Variants in MYT1L observed in about 807,000 individuals in gnomAD.
MYT1L encodes myelin transcription factor 1 like, also known as myelin transcription factor 1-like protein.
Under a neutral mutation model 126.7 loss-of-function variants are expected in MYT1L, and 12 were observed. The ratio of observed to expected loss-of-function variants is 0.09; its 90% CI spans 0.06 to 0.15. The LOEUF is 0.15. MYT1L is among the 10% of genes least tolerant of loss of function. The pLI is 1.00. For missense variants in MYT1L, 979 were observed against 1,585.2 expected (o/e 0.62, Z 6.49); for synonymous variants, 541 against 604.2 (o/e 0.90, Z 1.53).
At chr2:2,275,693 C>T (rs904284071) in intron 2 of MYT1L, among the ~76,000 whole-genome samples, 2 of 152,270 alleles carry the variant, frequency 1.3e-5, no homozygotes, top group South Asian at 4.1e-4. Context: ...TCAATATGTA[C>T]CGTGAAAACT....
At chr2:2,212,870 C>A (rs767062619) in intron 2 of MYT1L, among the ~76,000 whole-genome samples, 1 of 152,146 alleles carries the variant, frequency 6.6e-6, no homozygotes, top group Non-Finnish European at 1.5e-5. Context: ...GACACAGCAA[C>A]GGAGTGCCCT....
intron 4 of MYT1L, among the ~76,000 whole-genome samples, chr2:2,039,561 G>C (rs1332346405): frequency 6.6e-6 from 1 of 152,184 alleles, no homozygotes; most frequent in Non-Finnish European, 1.5e-5. Context: ...AAGGTGAAAA[G>C]GTGTGAATTG....
chr2:2,204,264 A>G (rs1166077035), intron 2 of MYT1L, among the ~76,000 whole-genome samples: 1 of 152,162 alleles, frequency 6.6e-6, no homozygotes, highest in Admixed American at 6.5e-5. Context: ...GACAAATGGG[A>G]TCTAATTAAA....
In MYT1L at chr2:2,177,208, T is replaced by A. The variant is rs376465940; in HGVS notation, c.-420-4220A>T. On this transcript the variant is annotated intron_variant, in intron 2 of 24. Coordinates refer to ENST00000647738, the MANE Select transcript of MYT1L (RefSeq NM_001303052.2). ...GAATTTGGCAGTGTGAATGAAAATT[T>A]TCAATGTGCATATGCTAGCCTGACA... 4.3e-4 allele frequency among the ~76,000 whole-genome samples: 65 copies of A among 152,336 alleles called. 1 individual carries two copies. The highest frequency in any genetic ancestry group is 1.6e-3 in the African/African-American group (65 of 41,592).
chr2:2,252,762 C>T (rs986722857), intron 2 of MYT1L, among the ~76,000 whole-genome samples: 2 of 152,102 alleles, frequency 1.3e-5, no homozygotes, highest in African/African-American at 2.4e-5. Flanking sequence ...CCTCACCTCC[C>T]CCACGAAAAG....
chr2:2,180,780 C>A (rs2091370571), intron 2 of MYT1L, among the ~76,000 whole-genome samples: 2 of 143,378 alleles, frequency 1.4e-5, no homozygotes, highest in Non-Finnish European at 3.0e-5. Context: ...GTATTTGTAC[C>A]TGTGTGTGCC....
chr2:1,836,481 C>T (rs66868130), intron 21 of MYT1L, among the ~76,000 whole-genome samples: 2 of 150,506 alleles, frequency 1.3e-5, no homozygotes, highest in Non-Finnish European at 3.0e-5. Context: ...ATTCGACCAG[C>T]CTGCACCCCA....
At chr2:2,087,904 C>A (rs1355527847) in intron 3 of MYT1L, among the ~76,000 whole-genome samples, 1 of 152,256 alleles carries the variant, frequency 6.6e-6, no homozygotes, top group Non-Finnish European at 1.5e-5. Flanking sequence ...CACACGTGGT[C>A]TACTGGGGCT....
chr2:2,236,577 C>G (rs865783829), intron 2 of MYT1L, among the ~76,000 whole-genome samples: 1 of 144,922 alleles, frequency 6.9e-6, no homozygotes, highest in Middle Eastern at 3.5e-3. Flanking sequence ...TATGTCACAA[C>G]CCAGCCCAGC....
chr2:2,060,625 T>G (rs1461620459), intron 3 of MYT1L, among the ~76,000 whole-genome samples: 2 of 151,788 alleles, frequency 1.3e-5, no homozygotes, highest in Non-Finnish European at 2.9e-5. Flanking sequence ...TTTATTCACT[T>G]TTTCTCTCCT....
intron 3 of MYT1L, among the ~76,000 whole-genome samples, chr2:2,086,884 C>T (rs147779070): frequency 2.6e-5 from 4 of 152,302 alleles, no homozygotes; most frequent in East Asian, 1.9e-4. Context: ...CTCACAGCTC[C>T]GGGGATGCCT....
rs1357465325 is a variant in MYT1L at position 2,027,775 on chromosome 2, T to TGATCAAGG, written c.-158+26202_-158+26203insCCTTGATC. Among the ~76,000 whole-genome samples, 72 of 151,342 alleles carry TGATCAAGG rather than the reference T, an allele frequency of 4.8e-4. 1 individual carries two copies. The highest frequency in any genetic ancestry group is 1.9e-4 in the Non-Finnish European group (13 of 67,984). ...GTGACATCTCTGAGTCTTACCTGCC[T>TGATCAAGG]GAGTGATCAAGGGAGGAAGGTCAGA... On this transcript the variant is annotated intron_variant, in intron 4 of 24. Transcript: ENST00000647738.
rs143335425 is a variant in MYT1L at position 1,954,333 on chromosome 2, C to T, written c.153-10999G>A. On this transcript the variant is annotated intron_variant, in intron 8 of 24. Coordinates refer to ENST00000647738, the MANE Select transcript of MYT1L (RefSeq NM_001303052.2). ...CCAGCCATGGCCACTGCCCATTTGA[C>T]GCCCCAGCCACAGTCACGTAGAATA... Among the ~76,000 whole-genome samples the T allele has an allele frequency of 3.9e-3, 596 of 152,264 alleles. 2 individuals are homozygous for T. The highest frequency in any genetic ancestry group is 0.014 in the African/African-American group (572 of 41,568).
chr2:2,139,118 C>A (rs532707898), intron 3 of MYT1L, among the ~76,000 whole-genome samples: 1 of 151,812 alleles, frequency 6.6e-6, no homozygotes, highest in African/African-American at 2.4e-5. Context: ...TACCAAGAGG[C>A]GTGAATCTAA....
chr2:1,831,161 A>C (rs182967207), intron 21 of MYT1L, among the ~76,000 whole-genome samples: 14 of 144,464 alleles, frequency 9.7e-5, no homozygotes, highest in Admixed American at 8.8e-4. Flanking sequence ...AATGACTCCC[A>C]TGAAGTCCTT....
chr2:1,949,491 CCA>C (rs1158398202), intron 8 of MYT1L, among the ~76,000 whole-genome samples: 1 of 152,152 alleles, frequency 6.6e-6, no homozygotes, highest in Non-Finnish European at 1.5e-5. Flanking sequence ...TCAACAACTT[CCA>C]GTTTTTTGCA....
At chr2:1,903,666 C>A (rs2050636810) in intron 13 of MYT1L, among the ~76,000 whole-genome samples, 1 of 152,070 alleles carries the variant, frequency 6.6e-6, no homozygotes, top group South Asian at 2.1e-4. Context: ...CCGAATTATA[C>A]ACAAAGATGT....
intron 11 of MYT1L, among the ~76,000 whole-genome samples, chr2:1,916,366 C>A (rs1002254734): frequency 2.0e-5 from 3 of 152,150 alleles, no homozygotes; most frequent in African/African-American, 7.2e-5. Flanking sequence ...ATGTTCCCCA[C>A]TAGAAACTGT....
intron 4 of MYT1L, among the ~76,000 whole-genome samples, chr2:2,000,635 T>C (rs1475376304): frequency 6.6e-6 from 1 of 151,534 alleles, no homozygotes; most frequent in Non-Finnish European, 1.5e-5. Flanking sequence ...GGACAGGGGG[T>C]TGTTTATTTT....
Sources: allele counts gnomAD v4.1 joint callset (sites outside exome capture counted in the v4.1 genomes callset), GRCh38; gene constraint gnomAD v4.1.1; transcripts MANE v1.5; gene names NCBI Gene and HGNC (gene_info 2026-07-23, HGNC 2026-07-21).